Variants in DHRS7B observed in about 807,000 individuals in gnomAD.
DHRS7B encodes dehydrogenase/reductase 7B.
In DHRS7B, 24 loss-of-function variants were observed where a neutral mutation model predicts 26.4. That is an observed-to-expected ratio of 0.91 (90% CI 0.66 to 1.28). The LOEUF (loss-of-function observed/expected upper bound fraction) is 1.28. Among genes scored for constraint, DHRS7B ranks in the 50% most tolerant of loss-of-function variants. The probability of loss-of-function intolerance (pLI) is 0.00; values close to 1 mark genes in which losing one functional copy is unlikely to be tolerated. For synonymous variants in DHRS7B, 142 were observed against 166.4 expected (o/e 0.85, Z 1.13); for missense variants, 368 against 419.4 (o/e 0.88, Z 1.07).
intron 1 of DHRS7B, among the ~76,000 whole-genome samples, chr17:21,154,605 A>G (rs891946325): frequency 2.6e-5 from 4 of 152,218 alleles, no homozygotes; most frequent in South Asian, 2.1e-4. Flanking sequence ...TAAAAGAACA[A>G]CATTGGAAAA....
chr17:21,179,982 T>C lies in DHRS7B; in HGVS notation c.309+1640T>C, dbSNP rs142177902. Among the ~76,000 whole-genome samples the C allele has an allele frequency of 2.5e-3, 376 of 151,374 alleles. 4 individuals are homozygous for C. The highest frequency in any genetic ancestry group is 8.9e-3 in the African/African-American group (366 of 41,166). On this transcript the variant is annotated intron_variant, in intron 3 of 6. Coordinates refer to ENST00000395511, the MANE Select transcript of DHRS7B (RefSeq NM_015510.5). ...GGCTTCTCCATATTGGTCAGGCTGGTCTCTAACTCCCGACCTCAGGCGATC... is the reference window on the plus strand; with the variant it reads ...GGCTTCTCCATATTGGTCAGGCTGGCCTCTAACTCCCGACCTCAGGCGATC...
At chr17:21,174,405 G>A (rs1376624817) in intron 2 of DHRS7B, among the ~76,000 whole-genome samples, 2 of 152,224 alleles carry the variant, frequency 1.3e-5, no homozygotes, top group Admixed American at 6.5e-5. Context: ...ACAGGGCTGT[G>A]CACAGCTCTG....
chr17:21,178,674 T>G (rs80112871), intron 3 of DHRS7B, among the ~76,000 whole-genome samples: 4 of 125,494 alleles, frequency 3.2e-5, no homozygotes, highest in Non-Finnish European at 7.0e-5. Context: ...TTTTTTTTTT[T>G]GGGACACGGA....
intron 1 of DHRS7B, among the ~76,000 whole-genome samples, chr17:21,160,371 T>G (rs1012748781): frequency 6.6e-6 from 1 of 151,490 alleles, no homozygotes; most frequent in African/African-American, 2.4e-5. Context: ...ATAAAAAAAT[T>G]TAAAAAATTA....
At chr17:21,179,845 C>G (rs978786934) in intron 3 of DHRS7B, among the ~76,000 whole-genome samples, 5 of 150,832 alleles carry the variant, frequency 3.3e-5, no homozygotes, top group African/African-American at 9.8e-5. Context: ...CAGCTCACCA[C>G]AACCTCTGCC....
At chr17:21,136,020 C>G (rs73305683) in intron 1 of DHRS7B, among the ~76,000 whole-genome samples, 1 of 151,910 alleles carries the variant, frequency 6.6e-6, no homozygotes, top group Admixed American at 6.6e-5. Context: ...CAAGACTGGC[C>G]GGGGATGGTG....
intron 1 of DHRS7B, among the ~76,000 whole-genome samples, chr17:21,139,451 A>G (rs1973439736): frequency 6.6e-6 from 1 of 152,090 alleles, no homozygotes; most frequent in African/African-American, 2.4e-5. Context: ...TGAGGCAGGC[A>G]GATCACAAGG....
At position 21,153,280 on chromosome 17, in the gene DHRS7B, C is replaced by T. The variant is rs564046527; in HGVS notation, c.21-18738C>T. On this transcript the variant is annotated intron_variant, in intron 1 of 6. Transcript: ENST00000395511. ...GAATGCCTCTGATGGGCTCAGTAGACGGGACATGGCAGAGGAGAGAATCTC... is the reference window on the plus strand; with the variant it reads ...GAATGCCTCTGATGGGCTCAGTAGATGGGACATGGCAGAGGAGAGAATCTC... 4.4e-4 allele frequency among the ~76,000 whole-genome samples: 67 copies of T among 152,002 alleles called. No homozygotes were observed. The South Asian group carries it at 9.4e-3, about 21-fold the overall frequency.
At chr17:21,182,354 T>G (rs1024598087) in intron 3 of DHRS7B, among the ~76,000 whole-genome samples, 1 of 152,054 alleles carries the variant, frequency 6.6e-6, no homozygotes, top group Non-Finnish European at 1.5e-5. Context: ...GTTCAAGGGA[T>G]TCTGCTGCCT....
Position 21,150,118 on chromosome 17 carries a change from A to ACAAAAC in DHRS7B, c.21-21900_21-21899insCAAAAC, listed in dbSNP as rs779563696. Among the ~76,000 whole-genome samples the ACAAAAC allele has an allele frequency of 5.6e-3, 761 of 134,822 alleles. 17 individuals carry two copies. Among genetic ancestry groups the ACAAAAC allele is most frequent in the Admixed American group, 9.7e-3 (128 of 13,134 alleles). 88.4% of individuals were successfully genotyped at this position (134,822 alleles called of 152,430 possible). On this transcript the variant is annotated intron_variant, in intron 1 of 6. Coordinates refer to ENST00000395511, the MANE Select transcript of DHRS7B (RefSeq NM_015510.5). ...TCCATCTCTATTTAAAAAAAAAAAA[A>ACAAAAC]AAAAAAAAAAAAAACTAAGGCATAG... is the stretch of plus-strand genomic sequence containing the variant.
chr17:21,182,858 G>C (rs1228330416), intron 3 of DHRS7B, among the ~76,000 whole-genome samples: 1 of 152,160 alleles, frequency 6.6e-6, no homozygotes, highest in Non-Finnish European at 1.5e-5. Context: ...ATTTTCTTGT[G>C]ATATCTTTAA....
chr17:21,132,030 T>C lies in DHRS7B; in HGVS notation c.20+5039T>C, dbSNP rs539539663. 1.3e-4 allele frequency among the ~76,000 whole-genome samples: 20 copies of C among 152,334 alleles called. No homozygotes were observed. The South Asian group carries it at 4.1e-3, about 32-fold the overall frequency. ...AATTGTTGCTTAGAAGCCTTTGTAT[T>C]CTGTTTGAGTTGTTAAAACTTCAGA... On this transcript the variant is annotated intron_variant, in intron 1 of 6. Coordinates refer to ENST00000395511, the MANE Select transcript of DHRS7B (RefSeq NM_015510.5).
intron 1 of DHRS7B, among the ~76,000 whole-genome samples, chr17:21,149,713 T>C (rs75671030): frequency 0.02 from 3,045 of 152,286 alleles, 102 homozygotes; most frequent in African/African-American, 0.07. Context: ...AAATGACTTA[T>C]TACATCTGTG....
chr17:21,190,093 G>C (rs1974741858), intron 6 of DHRS7B, among the ~76,000 whole-genome samples: 1 of 152,126 alleles, frequency 6.6e-6, no homozygotes, highest in Non-Finnish European at 1.5e-5. Flanking sequence ...TTGAGCCCAG[G>C]AGGTCGAGGC....
chr17:21,170,797 C>A (rs942206511), intron 1 of DHRS7B, among the ~76,000 whole-genome samples: 3 of 152,124 alleles, frequency 2.0e-5, no homozygotes, highest in African/African-American at 7.2e-5. Flanking sequence ...TGTTGGGAGT[C>A]CACAGTGTTC....
intron 1 of DHRS7B, among the ~76,000 whole-genome samples, chr17:21,153,320 A>G (rs1460733472): frequency 6.6e-6 from 1 of 152,220 alleles, no homozygotes; most frequent in Non-Finnish European, 1.5e-5. Flanking sequence ...CTTTGAGGAT[A>G]TGACAGTAGA....
Position 21,165,795 on chromosome 17 carries a change from A to G in DHRS7B, c.21-6223A>G, listed in dbSNP as rs565405187. ...GCCAGGTGTGGTGGCGTGCGCCTGT[A>G]GTCGCAGCTACGCGGGAGGCTGAGG... On this transcript the variant is annotated intron_variant, in intron 1 of 6. Transcript: ENST00000395511. 8.6e-5 allele frequency among the ~76,000 whole-genome samples: 13 copies of G among 151,736 alleles called. 1 individual carries two copies. The East Asian group carries it at 2.4e-3, about 28-fold the overall frequency.
At chr17:21,143,007 C>T (rs996372789) in intron 1 of DHRS7B, among the ~76,000 whole-genome samples, 1 of 152,230 alleles carries the variant, frequency 6.6e-6, no homozygotes, top group Non-Finnish European at 1.5e-5. Context: ...TGGCTCATCA[C>T]AACCTCCACC....
chr17:21,131,825 T>G (rs980630939), intron 1 of DHRS7B, among the ~76,000 whole-genome samples: 2 of 152,230 alleles, frequency 1.3e-5, no homozygotes, highest in Non-Finnish European at 2.9e-5. Context: ...TATAAATTTT[T>G]CCAGTTTATA....
Sources: allele counts gnomAD v4.1 joint callset (sites outside exome capture counted in the v4.1 genomes callset), GRCh38; gene constraint gnomAD v4.1.1; transcripts MANE v1.5; gene names NCBI Gene and HGNC (gene_info 2026-07-23, HGNC 2026-07-21).